The following FAAH2 variants were observed in gnomAD, a reference collection of about 807,000 sequenced individuals.
FAAH2 encodes fatty-acid amide hydrolase 2.
Under a neutral mutation model 36.9 loss-of-function variants are expected in FAAH2, and 60 were observed. The observed-to-expected ratio is 1.63, with a 90% CI of 1.32 to 2.02. The LOEUF (loss-of-function observed/expected upper bound fraction) is 2.02. Ranked by LOEUF, FAAH2 falls within the 30% of genes most tolerant of loss-of-function variation. The pLI, the probability that FAAH2 is intolerant of heterozygous loss-of-function variation, is 0.00. For synonymous variants in FAAH2, 214 were observed against 143.8 expected (o/e 1.49, Z -3.49); for missense variants, 689 against 397.5 (o/e 1.73, Z -6.23).
chrX:57,422,405 C>T (rs2163537), intron 7 of FAAH2, among the ~76,000 whole-genome samples: 58,744 of 110,985 alleles, frequency 0.53, 13,754 homozygotes, highest in Non-Finnish European at 0.73. Flanking sequence ...GTTTTAGTTG[C>T]TTCTATTTAT....
intron 5 of FAAH2, among the ~76,000 whole-genome samples, chrX:57,357,120 C>A (rs79695384): frequency 1.2e-4 from 13 of 111,081 alleles, no homozygotes; most frequent in Middle Eastern, 4.6e-3. Flanking sequence ...CTGGTAAAAC[C>A]GGCTAGCCAT....
chrX:57,470,687 A>G (rs1368779961), intron 10 of FAAH2, among the ~76,000 whole-genome samples: 1 of 111,588 alleles, frequency 9.0e-6, no homozygotes, highest in East Asian at 2.8e-4. Context: ...AGCTGGTACC[A>G]TTACTTCTGA....
chrX:57,184,139 C>A, the FAAH2 span, among the ~76,000 whole-genome samples: 2 of 111,321 alleles, frequency 1.8e-5, no homozygotes, highest in Non-Finnish European at 3.8e-5. Flanking sequence ...TGAACATAGA[C>A]CCTTATTAGT....
At chrX:57,386,581 T>C (rs1392397838) in intron 7 of FAAH2, among the ~76,000 whole-genome samples, 1 of 111,920 alleles carries the variant, frequency 8.9e-6, no homozygotes. Flanking sequence ...ATTACCTCCC[T>C]TCCTGTTCTG....
At chrX:57,483,467 G>T (rs748204503) in intron 10 of FAAH2, among the ~76,000 whole-genome samples, 2 of 110,500 alleles carry the variant, frequency 1.8e-5, no homozygotes, top group African/African-American at 6.6e-5. Flanking sequence ...GGATCTTGTG[G>T]AGCATCCTGA....
At chrX:57,148,835 G>T in the FAAH2 span, among the ~76,000 whole-genome samples, 65 of 111,510 alleles carry the variant, frequency 5.8e-4, no homozygotes, top group Admixed American at 2.1e-3. Flanking sequence ...CCTGTCTTGT[G>T]CCAGTTTTCA....
the FAAH2 span, among the ~76,000 whole-genome samples, chrX:57,130,726 C>G: frequency 1.8e-5 from 2 of 111,744 alleles, no homozygotes; most frequent in Non-Finnish European, 3.8e-5. Flanking sequence ...CATGCTCTCA[C>G]TTTGTGAGGC....
At chrX:57,436,707 A>C (rs1199093329) in intron 8 of FAAH2, among the ~76,000 whole-genome samples, 1 of 111,570 alleles carries the variant, frequency 9.0e-6, no homozygotes, top group Non-Finnish European at 1.9e-5. Context: ...AGGAGGTAAT[A>C]GAGAACTTGA....
chrX:57,286,902 G>T lies in FAAH2; in HGVS notation c.77G>T (p.Arg26Leu). ...ALGFLIGLVGRAALVLGGPKF... is the reference protein window; with the variant it reads ...ALGFLIGLVGLAALVLGGPKF... ...GGCTTTCTCATAGGCTTAGTAGGCCGAGCAGCTTTAGTCTTAGGGGGTCCA... is the reference window on the plus strand; with the variant it reads ...GGCTTTCTCATAGGCTTAGTAGGCCTAGCAGCTTTAGTCTTAGGGGGTCCA... The change falls in exon 1 of 11, where the codon CGA becomes CTA. Residue 26 changes from arginine to leucine, a missense_variant. By Grantham distance (102) the Arg-to-Leu change is moderately radical. Coordinates refer to ENST00000374900, the MANE Select transcript of FAAH2 (RefSeq NM_174912.4). 8.3e-7 allele frequency: 1 copy of T among 1,204,984 alleles called. No homozygotes were observed. The highest frequency in any genetic ancestry group is 1.1e-6 in the Non-Finnish European group (1 of 892,315).
Position 57,286,900 on chromosome X carries a change from C to T in FAAH2, c.75C>T (p.Gly25=), listed in dbSNP as rs1457542434. 1.7e-6 allele frequency: 2 copies of T among 1,204,715 alleles called. No individual in the cohort carries two copies. The highest frequency in any genetic ancestry group is 3.0e-5 in the East Asian group (1 of 33,607). ...RALGFLIGLV[G]RAALVLGGPK... is the part of the protein sequence containing the mutation. ...TAGGCTTTCTCATAGGCTTAGTAGG[C>T]CGAGCAGCTTTAGTCTTAGGGGGTC... is the stretch of plus-strand genomic sequence containing the variant. The change falls in exon 1 of 11, where the codon GGC becomes GGT. Residue 25 remains glycine (G), a synonymous_variant. Transcript: ENST00000374900.
intron 10 of FAAH2, among the ~76,000 whole-genome samples, chrX:57,464,487 T>C (rs750280602): frequency 2.8e-5 from 2 of 72,652 alleles, no homozygotes; most frequent in South Asian, 1.3e-3. Flanking sequence ...TTTTGGCAAA[T>C]AATTTATGGC....
intron 10 of FAAH2, among the ~76,000 whole-genome samples, chrX:57,486,819 C>A (rs2057482155): frequency 9.0e-6 from 1 of 111,702 alleles, no homozygotes; most frequent in East Asian, 2.8e-4. Context: ...TTGAATGCAG[C>A]TGTTATCTGT....
At chrX:57,323,959 T>C (rs1369534956) in intron 3 of FAAH2, among the ~76,000 whole-genome samples, 7 of 111,235 alleles carry the variant, frequency 6.3e-5, no homozygotes, top group Non-Finnish European at 1.3e-4. Flanking sequence ...TCTTCTAGGG[T>C]TTTTATGGTT....
the FAAH2 span, among the ~76,000 whole-genome samples, chrX:57,278,147 G>A: frequency 9.9e-5 from 11 of 111,596 alleles, no homozygotes; most frequent in South Asian, 3.8e-3. Context: ...AAAGCTGGAG[G>A]CATCACGCTA....
At chrX:57,195,865 C>T in the FAAH2 span, among the ~76,000 whole-genome samples, 1 of 112,075 alleles carries the variant, frequency 8.9e-6, no homozygotes, top group Non-Finnish European at 1.9e-5. Context: ...CATGTCCTTT[C>T]CTTACTTTAT....
intron 10 of FAAH2, among the ~76,000 whole-genome samples, chrX:57,487,741 G>T (rs1272688938): frequency 8.9e-6 from 1 of 111,841 alleles, no homozygotes; most frequent in East Asian, 2.8e-4. Flanking sequence ...ATGTAAATTT[G>T]TCATAAGACT....
At chrX:57,432,082 AT>A in intron 8 of FAAH2, 45 bp downstream of exon 8, 1 of 1,096,429 alleles carries the variant, frequency 9.1e-7, no homozygotes, top group Non-Finnish European at 1.2e-6. Flanking sequence ...TTGTGTAAAC[AT>A]TTATTGAGCT....
chrX:57,123,868 A>C, the FAAH2 span, among the ~76,000 whole-genome samples: 1 of 111,188 alleles, frequency 9.0e-6, no homozygotes, highest in Non-Finnish European at 1.9e-5. Context: ...TTTTCTTGTA[A>C]ATTTGTTTGA....
At chrX:57,322,103 C>T (rs1214843785) in intron 3 of FAAH2, among the ~76,000 whole-genome samples, 3 of 110,541 alleles carry the variant, frequency 2.7e-5, no homozygotes, top group South Asian at 7.7e-4. Flanking sequence ...CCCGGGTTCA[C>T]GCCGTTCTCC....
Sources: gnomAD v4.1 joint callset for allele counts (sites outside exome capture counted in the v4.1 genomes callset) on GRCh38, gnomAD v4.1.1 for gene constraint, MANE v1.5 for transcripts, NCBI Gene and HGNC (gene_info 2026-07-23, HGNC 2026-07-21) for gene names.